Variants in CBLB observed in about 807,000 individuals in gnomAD.
The protein encoded by CBLB is E3 ubiquitin-protein ligase CBL-B.
In CBLB, 31 loss-of-function variants were observed where a neutral mutation model predicts 104.9. The observed-to-expected ratio is 0.30, with a 90% CI of 0.22 to 0.40. CBLB has a LOEUF of 0.40. Among genes scored for constraint, CBLB ranks in the 10% least tolerant of loss-of-function variants. CBLB has a pLI of 1.00. For missense variants in CBLB, 1,062 were observed against 1,214.6 expected, an observed-to-expected ratio of 0.87 and a Z score of 1.87; for synonymous variants, 440 against 422.6, an observed-to-expected ratio of 1.04 and a Z score of -0.51.
intron 3 of CBLB, among the ~76,000 whole-genome samples, chr3:105,841,619 A>G (rs1362884296): frequency 6.6e-6 from 1 of 151,434 alleles, no homozygotes; most frequent in Non-Finnish European, 1.5e-5. Flanking sequence ...CGCCCAGCTA[A>G]TTTTTTTGTA....
At chr3:105,825,391 G>A (rs2086437068) in intron 3 of CBLB, among the ~76,000 whole-genome samples, 2 of 152,174 alleles carry the variant, frequency 1.3e-5, no homozygotes, top group Non-Finnish European at 1.5e-5. Flanking sequence ...AGAAAGAAGA[G>A]AAGGGGGGAA....
intron 7 of CBLB, among the ~76,000 whole-genome samples, chr3:105,738,484 A>G (rs2075186232): frequency 6.6e-6 from 1 of 152,088 alleles, no homozygotes; most frequent in African/African-American, 2.4e-5. Flanking sequence ...CCAAAGAAGA[A>G]TAAGCAACTT....
chr3:105,802,936 T>A (rs963396347), intron 3 of CBLB, among the ~76,000 whole-genome samples: 3 of 152,218 alleles, frequency 2.0e-5, no homozygotes, highest in Non-Finnish European at 4.4e-5. Context: ...ACCAGTGTAA[T>A]TTAACTGCTT....
At chr3:105,831,822 C>T (rs2087572892) in intron 3 of CBLB, among the ~76,000 whole-genome samples, 1 of 152,116 alleles carries the variant, frequency 6.6e-6, no homozygotes, top group African/African-American at 2.4e-5. Context: ...GTAGAACATA[C>T]CTCAGAACTG....
intron 3 of CBLB, among the ~76,000 whole-genome samples, chr3:105,818,376 T>G (rs2085347717): frequency 6.6e-6 from 1 of 152,078 alleles, no homozygotes; most frequent in African/African-American, 2.4e-5. Flanking sequence ...GTACTTACAA[T>G]ACATTTAGGG....
intron 3 of CBLB, among the ~76,000 whole-genome samples, chr3:105,817,949 T>G (rs537806147): frequency 6.6e-6 from 1 of 152,372 alleles, no homozygotes; most frequent in South Asian, 2.1e-4. Flanking sequence ...ATGATGAAAC[T>G]TGCTTCCTGG....
At position 105,722,595 on chromosome 3, in the gene CBLB, A is replaced by G. The variant is rs140945535; in HGVS notation, c.1204-2345T>C. On this transcript the variant is annotated intron_variant, in intron 9 of 18. Coordinates refer to ENST00000394030, the MANE Select transcript of CBLB (RefSeq NM_170662.5). ...TCGTAACTAAAAATTATTCCACCCA[A>G]TCGAAATCATGAAAGTTACATTATT... Among the ~76,000 whole-genome samples the G allele has an allele frequency of 4.7e-4, 72 of 152,296 alleles. 1 individual carries two copies. The East Asian group carries it at 0.014, about 29-fold the overall frequency.
intron 2 of CBLB, among the ~76,000 whole-genome samples, chr3:105,857,076 C>T (rs1290656907): frequency 6.6e-6 from 1 of 152,128 alleles, no homozygotes; most frequent in East Asian, 1.9e-4. Flanking sequence ...TTATTTTCTT[C>T]TAGTTTGGGG....
intron 6 of CBLB, among the ~76,000 whole-genome samples, chr3:105,742,304 T>C (rs1446041780): frequency 1.3e-5 from 2 of 152,242 alleles, no homozygotes; most frequent in African/African-American, 2.4e-5. Flanking sequence ...TTGAAAGATA[T>C]ACTTTAACAT....
intron 4 of CBLB, among the ~76,000 whole-genome samples, chr3:105,773,538 A>G (rs773905261): frequency 2.0e-5 from 3 of 152,212 alleles, no homozygotes; most frequent in Non-Finnish European, 4.4e-5. Flanking sequence ...ATGAGTCACA[A>G]GCTGCTACCT....
intron 9 of CBLB, among the ~76,000 whole-genome samples, chr3:105,725,025 G>A (rs1042966999): frequency 6.6e-6 from 1 of 151,862 alleles, no homozygotes; most frequent in Non-Finnish European, 1.5e-5. Flanking sequence ...TCATAGTCAA[G>A]GTTAAAATAA....
At chr3:105,732,111 C>A (rs1353853168) in intron 9 of CBLB, among the ~76,000 whole-genome samples, 2 of 152,186 alleles carry the variant, frequency 1.3e-5, no homozygotes. Flanking sequence ...AATTTGTTTT[C>A]TTTGTTAGTT....
chr3:105,831,453 G>C (rs960882626), intron 3 of CBLB, among the ~76,000 whole-genome samples: 1 of 152,214 alleles, frequency 6.6e-6, no homozygotes, highest in African/African-American at 2.4e-5. Flanking sequence ...CTTCCCTCAA[G>C]TAGAAATGAG....
chr3:105,730,531 A>T (rs1387918182), intron 9 of CBLB, among the ~76,000 whole-genome samples: 1 of 152,122 alleles, frequency 6.6e-6, no homozygotes, highest in Non-Finnish European at 1.5e-5. Flanking sequence ...ATAACATGCT[A>T]GCAGAGAGAT....
intron 10 of CBLB, among the ~76,000 whole-genome samples, chr3:105,705,302 A>T (rs867806004): frequency 6.6e-6 from 1 of 152,196 alleles, no homozygotes; most frequent in African/African-American, 2.4e-5. Flanking sequence ...ATTCACACTT[A>T]GTTACATTGT....
At chr3:105,810,367 T>G (rs1245188193) in intron 3 of CBLB, among the ~76,000 whole-genome samples, 5 of 152,152 alleles carry the variant, frequency 3.3e-5, no homozygotes, top group African/African-American at 4.8e-5. Flanking sequence ...CCTGGATTTT[T>G]TGTGTGTGTG....
chr3:105,804,795 CTCTT>C (rs994663052), intron 3 of CBLB, among the ~76,000 whole-genome samples: 38 of 151,888 alleles, frequency 2.5e-4, no homozygotes, highest in African/African-American at 8.7e-4. Context: ...TTTTTACCTC[CTCTT>C]TATTTTCAAG....
rs751605232 is a variant in CBLB, at chr3:105,740,491, T to C, written c.983+3A>G. On this transcript the variant is annotated splice_donor_region_variant and intron_variant, in intron 7 of 18. Coordinates refer to ENST00000394030, the MANE Select transcript of CBLB (RefSeq NM_170662.5). ...CACTCCAACTTCCATTTCTCATACT[T>C]ACAATCCTTCCCTGCTGCCATCAAT... The C allele has an allele frequency of 8.1e-6, 13 of 1,614,100 alleles. No individual in the cohort carries two copies. The highest frequency in any genetic ancestry group is 3.3e-4 in the Middle Eastern group (2 of 6,062).
At chr3:105,865,856 C>T (rs569262960) in intron 2 of CBLB, among the ~76,000 whole-genome samples, 2 of 152,258 alleles carry the variant, frequency 1.3e-5, no homozygotes, top group African/African-American at 4.8e-5. Flanking sequence ...TAGAGAAAAA[C>T]CTTGAATTCC....
Sources: allele counts gnomAD v4.1 joint callset (sites outside exome capture counted in the v4.1 genomes callset), GRCh38; gene constraint gnomAD v4.1.1; transcripts MANE v1.5; gene names NCBI Gene and HGNC (gene_info 2026-07-23, HGNC 2026-07-21).